Variants in RGMB observed in about 807,000 individuals in gnomAD.
RGMB encodes repulsive guidance molecule B.
A neutral mutation model predicts 26.9 loss-of-function variants in RGMB; 16 were observed. The ratio of observed to expected loss-of-function variants is 0.60; its 90% CI spans 0.40 to 0.90. RGMB has a LOEUF of 0.90. Ranked by LOEUF, RGMB falls within the 40% of genes least tolerant of loss-of-function variation. The pLI is 0.00. For synonymous variants in RGMB, 225 were observed against 229.3 expected, an observed-to-expected ratio of 0.98 and a Z score of 0.17; for missense variants, 512 against 573.3, an observed-to-expected ratio of 0.89 and a Z score of 1.09.
intron 2 of RGMB, among the ~76,000 whole-genome samples, chr5:98,785,194 G>T (rs185344925): frequency 2.0e-4 from 31 of 152,252 alleles, no homozygotes; most frequent in Middle Eastern, 3.4e-3. Context: ...TAAATGTATG[G>T]TTAATTTGGT....
intron 2 of RGMB, chr5:98,780,622 C>G (rs556191883): frequency 1.3e-5 from 2 of 152,604 alleles, no homozygotes; most frequent in East Asian, 3.9e-4. Context: ...TCTTGATGAC[C>G]GAGGAGGTTA....
rs528461991 is a variant in RGMB at position 98,789,683 on chromosome 5, G to T, written c.646-3402G>T. On this transcript the variant is annotated intron_variant, in intron 2 of 2. Transcript: ENST00000513185. ...TGAATGAAGAGAACTGAAGTAGTTTGTCTAAGGTGGGGGTTGAGAGGGGCT... is the reference window on the plus strand; with the variant it reads ...TGAATGAAGAGAACTGAAGTAGTTTTTCTAAGGTGGGGGTTGAGAGGGGCT... Among the ~76,000 whole-genome samples, 11 of 152,170 alleles carry T rather than the reference G, an allele frequency of 7.2e-5. No homozygotes were observed. The East Asian group carries it at 1.4e-3, about 19-fold the overall frequency.
chr5:98,773,978 C>A lies in RGMB; in HGVS notation c.-93C>A. 1.6e-6 allele frequency: 1 copy of A among 625,428 alleles called. No homozygotes were observed. 38.7% of individuals were successfully genotyped at this position (625,428 alleles called of 1,614,324 possible). On this transcript the variant is annotated 5_prime_UTR_variant, in exon 1 of 3. Transcript: ENST00000513185. ...AAGGAAGAAGAGGAAGCGAAGCGCG[C>A]CCCCCGGCCCATGCCGCAGCCACGG...
At chr5:98,779,505 C>T (rs1746519079) in intron 1 of RGMB, 75 bp from the exon 2 acceptor site, 2 of 1,374,260 alleles carry the variant, frequency 1.5e-6, no homozygotes, top group East Asian at 2.4e-5. Flanking sequence ...TCCCAAAGAA[C>T]AATGTGATTT....
In RGMB at chr5:98,779,983, A is replaced by G. The variant is rs894376848; in HGVS notation, c.540A>G (p.Thr180=). The change falls in exon 2 of 3, where the codon ACA becomes ACG. Residue 180 remains threonine (T), a synonymous_variant. Coordinates refer to ENST00000513185, the MANE Select transcript of RGMB (RefSeq NM_001366508.1). ...HLRTFKDNFQ[T]CKVEGAWPLI... ...GAACTTTCAAGGATAACTTCCAAAC[A>G]TGCAAAGTAGAAGGGGCCTGGCCAC... is the stretch of plus-strand genomic sequence containing the variant. The G allele has an allele frequency of 1.2e-6, 2 of 1,613,844 alleles. No homozygotes were observed. The highest frequency in any genetic ancestry group is 1.7e-6 in the Non-Finnish European group (2 of 1,179,860).
At chr5:98,789,857 A>G (rs1200825743) in intron 2 of RGMB, among the ~76,000 whole-genome samples, 1 of 152,264 alleles carries the variant, frequency 6.6e-6, no homozygotes, top group African/African-American at 2.4e-5. Context: ...AGTAAGTAGC[A>G]TAGCTAACGT....
rs987847629 is a variant in RGMB, at chr5:98,794,577, ACT to A, written c.*827_*828del. ...TTTTAAATTGTCAGTTTTCCCTCTGACTCTTCTGTGTTAAAACATGAAACTAT... is the reference window on the plus strand; with the variant it reads ...TTTTAAATTGTCAGTTTTCCCTCTGACTTCTGTGTTAAAACATGAAACTAT... On this transcript the variant is annotated 3_prime_UTR_variant, in exon 3 of 3. Transcript: ENST00000513185. 7.2e-5 allele frequency: 11 copies of A among 151,986 alleles called. No individual in the cohort carries two copies. Among genetic ancestry groups the A allele is most frequent in the African/African-American group, 2.4e-4 (10 of 41,454 alleles). 9.4% of individuals were successfully genotyped at this position (151,986 alleles called of 1,614,324 possible). A position where few individuals can be genotyped will look rare whatever the true frequency, so the allele number is the denominator to read the frequency against.
At chr5:98,790,701 C>A (rs535013719) in intron 2 of RGMB, among the ~76,000 whole-genome samples, 25 of 152,276 alleles carry the variant, frequency 1.6e-4, no homozygotes, top group African/African-American at 5.5e-4. Context: ...TGGCCCAACA[C>A]AAGTAAATCC....
intron 2 of RGMB, among the ~76,000 whole-genome samples, chr5:98,789,077 T>G (rs754869971): frequency 3.9e-5 from 6 of 152,344 alleles, no homozygotes; most frequent in Non-Finnish European, 8.8e-5. Flanking sequence ...ATAAAATTCA[T>G]CGACTTCTTT....
In RGMB at chr5:98,795,321, G is replaced by GC. The variant is rs1747082549; in HGVS notation, c.*1570dup. 6.6e-6 allele frequency: 1 copy of GC among 152,154 alleles called. No homozygotes were observed. The highest frequency in any genetic ancestry group is 2.4e-5 in the African/African-American group (1 of 41,428). The allele number at this position is 152,154 out of a possible 1,614,324, so 9.4% of individuals were successfully genotyped here. ...TACTATCTTTACCGTAGTAGTTCAG[G>GC]CCAAGATTATGCTTAGTTTTAGTTC... On this transcript the variant is annotated 3_prime_UTR_variant, in exon 3 of 3. Coordinates refer to ENST00000513185, the MANE Select transcript of RGMB (RefSeq NM_001366508.1).
chr5:98,789,341 G>A (rs955135009), intron 2 of RGMB, among the ~76,000 whole-genome samples: 8 of 152,208 alleles, frequency 5.3e-5, no homozygotes, highest in Non-Finnish European at 1.2e-4. Context: ...ACAGCCATTT[G>A]AGAAGTCTGC....
chr5:98,792,990 C>G, intron 2 of RGMB, 95 bp from the exon 3 acceptor site: 2 of 973,594 alleles, frequency 2.1e-6, no homozygotes, highest in Non-Finnish European at 3.0e-6. Context: ...TTAAGCCATT[C>G]AGCTTCAAAA....
rs1747051631 is a variant in RGMB at position 98,794,453 on chromosome 5, T to G, written c.*700T>G. The G allele has an allele frequency of 1.3e-5, 2 of 152,192 alleles. No individual in the cohort carries two copies. Among genetic ancestry groups the G allele is most frequent in the African/African-American group, 4.8e-5 (2 of 41,442 alleles). 9.4% of individuals were successfully genotyped at this position (152,192 alleles called of 1,614,324 possible). Reference sequence around the variant, plus strand: ...GTGTATTAGGTTGAACCATAGAAACTGCTATTCTCGTAGGTCAAAAGGGTC... The same window carrying G: ...GTGTATTAGGTTGAACCATAGAAACGGCTATTCTCGTAGGTCAAAAGGGTC... On this transcript the variant is annotated 3_prime_UTR_variant, in exon 3 of 3. Coordinates refer to ENST00000513185, the MANE Select transcript of RGMB (RefSeq NM_001366508.1).
upstream of RGMB, chr5:98,769,780 C>T (rs1248728094): frequency 1.3e-5 from 2 of 152,518 alleles, no homozygotes; most frequent in African/African-American, 4.8e-5. Flanking sequence ...AGTGAGAAAG[C>T]TCTGACGCTC....
At position 98,787,526 on chromosome 5, in the gene RGMB, A is replaced by G. The variant is rs537532825; in HGVS notation, c.646-5559A>G. 3.0e-4 allele frequency among the ~76,000 whole-genome samples: 46 copies of G among 152,338 alleles called. 1 individual carries two copies. Among genetic ancestry groups the G allele is most frequent in the Admixed American group, 2.7e-3 (42 of 15,304 alleles). ...ATATTTTTAGCCTCTAGTCTGAAGC[A>G]AGGTGGCAGCCTAGGCCTATAATAC... On this transcript the variant is annotated intron_variant, in intron 2 of 2. Transcript: ENST00000513185.
chr5:98,791,726 G>A (rs1746936516), intron 2 of RGMB, among the ~76,000 whole-genome samples: 1 of 151,794 alleles, frequency 6.6e-6, no homozygotes, highest in Non-Finnish European at 1.5e-5. Flanking sequence ...GTCTTTTTTT[G>A]TTTCTTTGAA....
rs1201621639 is a variant in RGMB at position 98,774,034 on chromosome 5, G to A, written c.-37G>A. 9.5e-6 allele frequency: 7 copies of A among 733,016 alleles called. No individual in the cohort carries two copies. Among genetic ancestry groups the A allele is most frequent in the African/African-American group, 5.6e-5 (3 of 53,478 alleles). 45.4% of individuals were successfully genotyped at this position (733,016 alleles called of 1,614,324 possible). ...GACCCGCCACGGCGCCCGCGCCGCC[G>A]CCCTCGCCGGAGCCCACGAGACCTG... On this transcript the variant is annotated 5_prime_UTR_variant, in exon 1 of 3. Coordinates refer to ENST00000513185, the MANE Select transcript of RGMB (RefSeq NM_001366508.1).
rs1273331792 is a variant in RGMB, at chr5:98,774,029, C to T, written c.-42C>T. 1.4e-6 allele frequency: 1 copy of T among 713,022 alleles called. No individual in the cohort carries two copies. The highest frequency in any genetic ancestry group is 2.3e-6 in the Non-Finnish European group (1 of 426,492). 44.2% of individuals were successfully genotyped at this position (713,022 alleles called of 1,614,324 possible). ...GCCCAGACCCGCCACGGCGCCCGCG[C>T]CGCCGCCCTCGCCGGAGCCCACGAG... On this transcript the variant is annotated 5_prime_UTR_variant, in exon 1 of 3. Transcript: ENST00000513185.
intron 1 of RGMB, among the ~76,000 whole-genome samples, chr5:98,777,386 T>A (rs1746449930): frequency 6.6e-6 from 1 of 152,208 alleles, no homozygotes; most frequent in African/African-American, 2.4e-5. Context: ...CCATATTTAT[T>A]TTCTTGCTTT....
Sources: allele counts gnomAD v4.1 joint callset (sites outside exome capture counted in the v4.1 genomes callset), GRCh38; gene constraint gnomAD v4.1.1; transcripts MANE v1.5; gene names NCBI Gene and HGNC (gene_info 2026-07-23, HGNC 2026-07-21).